SPP1: variants seen among roughly 807,000 people sequenced by gnomAD.
SPP1 encodes secreted phosphoprotein 1, also known as osteopontin.
In SPP1, 18 loss-of-function variants were observed where a neutral mutation model predicts 20.8. That is an observed-to-expected ratio of 0.87 (90% CI 0.60 to 1.29). The LOEUF (loss-of-function observed/expected upper bound fraction) is 1.29. Ranked by LOEUF, SPP1 falls within the 50% of genes most tolerant of loss-of-function variation. The pLI is 0.00. For missense variants in SPP1, 363 were observed against 389.0 expected (o/e 0.93, Z 0.56); for synonymous variants, 146 against 141.5 (o/e 1.03, Z -0.23).
chr4:87,976,762 A>G, intron 1 of SPP1, 120 bp from the exon 2 acceptor site: 1 of 643,504 alleles, frequency 1.6e-6, no homozygotes, highest in Non-Finnish European at 2.6e-6. Context: ...TCTAAGAAGT[A>G]GAAAAGATTC....
In SPP1 at chr4:87,983,010, A is replaced by G. The variant is rs1303724021; in HGVS notation, c.*114A>G. On this transcript the variant is annotated 3_prime_UTR_variant, in exon 7 of 7. Transcript: ENST00000395080. ...TTCTCAGTTTATTGGTTGAATGTGT[A>G]TCTATTTGAGTCTGGAAATAACTAA... The G allele has an allele frequency of 4.6e-6, 5 of 1,087,300 alleles. No individual in the cohort carries two copies. In the African/African-American group the frequency reaches 8.0e-5, roughly 17 times the overall value. 67.4% of individuals were successfully genotyped at this position (1,087,300 alleles called of 1,614,324 possible).
chr4:87,976,145 TC>T (rs138002788), intron 1 of SPP1, among the ~76,000 whole-genome samples: 4,173 of 152,252 alleles, frequency 0.027, 199 homozygotes, highest in African/African-American at 0.095. Context: ...AGAAAAGGGA[TC>T]TTTTATGCTA....
chr4:87,978,988 A>G (rs937174778), intron 3 of SPP1, among the ~76,000 whole-genome samples: 2 of 152,140 alleles, frequency 1.3e-5, no homozygotes, highest in African/African-American at 2.4e-5. Context: ...TTTCCAGATA[A>G]ATAACTTGGC....
rs1439151710 is a variant in SPP1 at position 87,977,704 on chromosome 4, C to T, written c.93+607C>T. 7.9e-6 allele frequency: 10 copies of T among 1,268,822 alleles called. No homozygotes were observed. The South Asian group carries it at 1.2e-4, about 15-fold the overall frequency. The allele number at this position is 1,268,822 out of a possible 1,614,324, so 78.6% of individuals were successfully genotyped here. ...CCCCTCCACAACAGATGAAACTGTG[C>T]CAGCCAAACAACAAATGGGCATTGT... On this transcript the variant is annotated intron_variant, in intron 3 of 6. Coordinates refer to ENST00000395080, the MANE Select transcript of SPP1 (RefSeq NM_001040058.2).
Position 87,976,476 on chromosome 4 carries a change from A to T in SPP1, c.-14-406A>T, listed in dbSNP as rs58207692. 8.4e-3 allele frequency among the ~76,000 whole-genome samples: 1,286 copies of T among 152,200 alleles called. 18 individuals are homozygous for T. Among genetic ancestry groups the T allele is most frequent in the African/African-American group, 0.029 (1,196 of 41,552 alleles). On this transcript the variant is annotated intron_variant, in intron 1 of 6. Transcript: ENST00000395080. The stretch of plus-strand genomic sequence containing the variant: ...CATGTTGGAAAAATGGATAAAGCAA[A>T]TTTTTTTCATTTTTTTCTGTGAGTT...
Position 87,983,147 on chromosome 4 carries a change from T to C in SPP1, c.*251T>C. On this transcript the variant is annotated 3_prime_UTR_variant, in exon 7 of 7. Coordinates refer to ENST00000395080, the MANE Select transcript of SPP1 (RefSeq NM_001040058.2). ...AGAAGAAATGCAAACTATCACTGTA[T>C]TTTAATATTTGTTATTCTCTCATGA... 1 of 343,320 alleles carries C rather than the reference T, an allele frequency of 2.9e-6. No homozygotes were observed. The highest frequency in any genetic ancestry group is 5.1e-5 in the East Asian group (1 of 19,516). The allele number at this position is 343,320 out of a possible 1,614,324, so 21.3% of individuals were successfully genotyped here.
Position 87,982,591 on chromosome 4 carries a change from C to T in SPP1, c.640C>T (p.Pro214Ser). 6.2e-7 allele frequency: 1 copy of T among 1,614,152 alleles called. No homozygotes were observed. Among genetic ancestry groups the T allele is most frequent in the Non-Finnish European group, 8.5e-7 (1 of 1,180,048 alleles). The change falls in exon 7 of 7, where the codon CCT (proline) becomes TCT (serine). Residue 214 changes from proline to serine, a missense_variant. Coordinates refer to ENST00000395080, the MANE Select transcript of SPP1 (RefSeq NM_001040058.2). Reference sequence around the variant, plus strand: ...CCCCGTTGCCCAGGACCTGAACGCGCCTTCTGATTGGGACAGCCGTGGGAA... The same window carrying T: ...CCCCGTTGCCCAGGACCTGAACGCGTCTTCTGATTGGGACAGCCGTGGGAA... ...AIPVAQDLNA[P>S]SDWDSRGKDS... is the part of the protein sequence containing the mutation.
At chr4:87,981,852 A>T in intron 6 of SPP1, 54 bp downstream of exon 6, 1 of 1,494,214 alleles carries the variant, frequency 6.7e-7, no homozygotes, top group South Asian at 1.2e-5. Context: ...CAAGTCTAGG[A>T]AACCACAGTT....
At chr4:87,976,727 T>C (rs1725390385) in intron 1 of SPP1, among the ~76,000 whole-genome samples, 155 bp from the exon 2 acceptor site, 1 of 152,170 alleles carries the variant, frequency 6.6e-6, no homozygotes, top group Admixed American at 6.5e-5. Flanking sequence ...CTTGAAAGAC[T>C]ATAATACTAA....
rs1461957441 is a variant in SPP1, at chr4:87,982,855, A to G, written c.904A>G (p.Ile302Val). The part of the protein sequence containing the change: ...KEEDKHLKFR[I>V]SHELDSASSE... ...AGAAGATAAACACCTGAAATTTCGT[A>G]TTTCTCATGAATTAGATAGTGCATC... Residue 302 changes from isoleucine to valine, a missense_variant, in exon 7 of 7, where the codon ATT (isoleucine) becomes GTT (valine). Transcript: ENST00000395080. 4 of 1,614,086 alleles carry G rather than the reference A, an allele frequency of 2.5e-6. No homozygotes were observed. Among genetic ancestry groups the G allele is most frequent in the African/African-American group, 1.3e-5 (1 of 75,040 alleles).
chr4:87,977,724 C>T, intron 3 of SPP1: 1 of 1,277,930 alleles, frequency 7.8e-7, no homozygotes, highest in Non-Finnish European at 1.0e-6. Flanking sequence ...AACAAATGGG[C>T]ATTGTCCCCA....
At chr4:87,980,279 C>A in intron 4 of SPP1, 114 bp from the exon 5 acceptor site, 1 of 1,493,044 alleles carries the variant, frequency 6.7e-7, no homozygotes, top group Non-Finnish European at 9.2e-7. Flanking sequence ...CTGTGTTAAG[C>A]CATCCACAGA....
intron 5 of SPP1, 97 bp from the exon 6 acceptor site, chr4:87,981,378 T>G: frequency 8.7e-7 from 1 of 1,152,876 alleles, no homozygotes. Flanking sequence ...ATTCTGAAAC[T>G]AAATAAAAAG....
At chr4:87,981,409 G>C in intron 5 of SPP1, 66 bp from the exon 6 acceptor site, 1 of 1,368,152 alleles carries the variant, frequency 7.3e-7, no homozygotes, top group East Asian at 2.3e-5. Context: ...AAAGACTAAT[G>C]TGCTATAAAG....
At chr4:87,977,482 G>T (rs934652037) in intron 3 of SPP1, among the ~76,000 whole-genome samples, 2 of 152,132 alleles carry the variant, frequency 1.3e-5, no homozygotes, top group Non-Finnish European at 2.9e-5. Context: ...ATATTAGTCA[G>T]AACTGTTTGT....
intron 3 of SPP1, chr4:87,977,867 T>G (rs1358452739): frequency 8.1e-7 from 1 of 1,230,310 alleles, no homozygotes; most frequent in Admixed American, 2.7e-5. Context: ...TGTGTTCGTT[T>G]GTGTGTGGAG....
Position 87,981,867 on chromosome 4 carries a change from T to TATTC in SPP1, c.540+84_540+87dup, listed in dbSNP as rs983188235. On this transcript the variant is annotated intron_variant, in intron 6 of 6. Coordinates refer to ENST00000395080, the MANE Select transcript of SPP1 (RefSeq NM_001040058.2). ...CAAGTCTAGGAAACCACAGTTTGCATATTCATTCATTCATTCATCCATTCA... is the reference window on the plus strand; with the variant it reads ...CAAGTCTAGGAAACCACAGTTTGCATATTCATTCATTCATTCATTCATCCATTCA... 21 of 1,314,042 alleles carry TATTC rather than the reference T, an allele frequency of 1.6e-5. No individual in the cohort carries two copies. The East Asian group carries it at 2.8e-4, about 17-fold the overall frequency. The allele number at this position is 1,314,042 out of a possible 1,614,324, so 81.4% of individuals were successfully genotyped here.
intron 6 of SPP1, 101 bp downstream of exon 6, chr4:87,981,899 C>CA: frequency 9.6e-7 from 1 of 1,039,470 alleles, no homozygotes. Flanking sequence ...TTCATTCATC[C>CA]ATTCAGCAAG....
At position 87,977,745 on chromosome 4, in the gene SPP1, C is replaced by A. The variant is rs112289073; in HGVS notation, c.93+648C>A. 3.1e-6 allele frequency: 4 copies of A among 1,283,648 alleles called. No individual in the cohort carries two copies. The African/African-American group carries it at 4.6e-5, about 15-fold the overall frequency. 79.5% of individuals were successfully genotyped at this position (1,283,648 alleles called of 1,614,324 possible). A position where few individuals can be genotyped will look rare whatever the true frequency, so the allele number is the denominator to read the frequency against. On this transcript the variant is annotated intron_variant, in intron 3 of 6. Coordinates refer to ENST00000395080, the MANE Select transcript of SPP1 (RefSeq NM_001040058.2). Reference sequence around the variant, plus strand: ...TGGGCATTGTCCCCAGAAGCTTGGACAAAAAGGCACACAGAGTTCAATTCC... The same window carrying A: ...TGGGCATTGTCCCCAGAAGCTTGGAAAAAAAGGCACACAGAGTTCAATTCC...
Sources: allele counts gnomAD v4.1 joint callset (sites outside exome capture counted in the v4.1 genomes callset), GRCh38; gene constraint gnomAD v4.1.1; transcripts MANE v1.5; gene names NCBI Gene and HGNC (gene_info 2026-07-23, HGNC 2026-07-21).